Variants in XK observed in about 807,000 individuals in gnomAD.
XK encodes X-linked Kx blood group antigen, Kell and VPS13A binding protein.
XK carries 2 observed loss-of-function variants against 14.0 expected under a neutral mutation model. The ratio of observed to expected loss-of-function variants is 0.14; its 90% confidence interval spans 0.06 to 0.45. The LOEUF is 0.45. Ranked by LOEUF, XK falls within the 20% of genes least tolerant of loss-of-function variation. The pLI, the probability that XK is intolerant of heterozygous loss-of-function variation, is 0.98. For synonymous variants in XK, 149 were observed against 147.5 expected, an observed-to-expected ratio of 1.01 and a Z score of -0.08; for missense variants, 235 against 341.5, an observed-to-expected ratio of 0.69 and a Z score of 2.46.
At chrX:37,705,289 CA>C (rs5902157) in intron 2 of XK, among the ~76,000 whole-genome samples, 18,933 of 98,514 alleles carry the variant, frequency 0.19, 1,376 homozygotes, top group African/African-American at 0.25. Flanking sequence ...ACTAAAAATA[CA>C]AAAAAAAAAA....
chrX:37,724,815 A>T (rs1276883963), intron 2 of XK, among the ~76,000 whole-genome samples: 1 of 110,801 alleles, frequency 9.0e-6, no homozygotes, highest in Non-Finnish European at 1.9e-5. Flanking sequence ...GAAAACAAAC[A>T]ATCAAGTAAA....
At position 37,694,340 on chromosome X, in the gene XK, T is replaced by C. The variant is rs1556442125; in HGVS notation, c.300T>C (p.Tyr100=). ...YFQSGNNEEP[Y]VSITKKRQMP... ...AGTCAGGCAACAATGAAGAGCCTTA[T>C]GTCAGTATCACCAAGAAGAGGCAAA... Residue 100 remains tyrosine, a synonymous_variant, in exon 2 of 3, where the codon TAT becomes TAC. Transcript: ENST00000378616. 1 of 1,211,710 alleles carries C rather than the reference T, an allele frequency of 8.3e-7. No individual in the cohort carries two copies. Among genetic ancestry groups the C allele is most frequent in the Admixed American group, 2.2e-5 (1 of 46,094 alleles).
chrX:37,686,190 C>T lies in XK; in HGVS notation c.229C>T (p.Leu77Phe), dbSNP rs1556440166. 1 of 1,208,306 alleles carries T rather than the reference C, an allele frequency of 8.3e-7. No individual in the cohort carries two copies. The highest frequency in any genetic ancestry group is 1.8e-5 in the South Asian group (1 of 56,364). Residue 77 changes from leucine (L) to phenylalanine (F), a missense_variant, in exon 1 of 3, where the codon CTT becomes TTT. Physicochemically the swap from Leu to Phe is conservative, Grantham distance 22. Transcript: ENST00000378616. The stretch of plus-strand genomic sequence containing the variant: ...CGTACTGCTGCTGCACCTGCTGCAA[C>T]TTGGGCCCCTTTTCAGGTGCGTGCA... ...PLVLLLHLLQ[L>F]GPLFRCFEVF...
intron 1 of XK, among the ~76,000 whole-genome samples, chrX:37,688,095 C>T (rs1280111812): frequency 1.2e-5 from 1 of 84,928 alleles, no homozygotes; most frequent in Non-Finnish European, 2.2e-5. Flanking sequence ...GAGTCTTGCT[C>T]TGTCGCCCAG....
At chrX:37,708,341 TGGAG>T (rs1927592740) in intron 2 of XK, among the ~76,000 whole-genome samples, 1 of 111,475 alleles carries the variant, frequency 9.0e-6, no homozygotes, top group South Asian at 3.8e-4. Context: ...GCTTTGAAGA[TGGAG>T]GGAAGAGGCA....
At chrX:37,725,632 C>G (rs377019327) in intron 2 of XK, among the ~76,000 whole-genome samples, 10 of 111,430 alleles carry the variant, frequency 9.0e-5, no homozygotes, top group African/African-American at 3.3e-4. Flanking sequence ...TATGCCCCTC[C>G]AAAAATCTAC....
chrX:37,722,150 T>C (rs1556449087), intron 2 of XK, among the ~76,000 whole-genome samples: 1 of 111,909 alleles, frequency 8.9e-6, no homozygotes, highest in Non-Finnish European at 1.9e-5. Context: ...TAAAAATCAT[T>C]AAATTGTTCA....
intron 2 of XK, among the ~76,000 whole-genome samples, chrX:37,695,902 G>C (rs902625182): frequency 8.9e-6 from 1 of 112,246 alleles, no homozygotes; most frequent in Non-Finnish European, 1.9e-5. Context: ...AGCAACATCC[G>C]TGTTCTCTAA....
At chrX:37,724,267 AG>A (rs1311517297) in intron 2 of XK, among the ~76,000 whole-genome samples, 2 of 111,733 alleles carry the variant, frequency 1.8e-5, no homozygotes, top group African/African-American at 6.5e-5. Context: ...AGAATTACAT[AG>A]AATTGAATTT....
intron 2 of XK, among the ~76,000 whole-genome samples, chrX:37,725,377 G>C (rs1281571265): frequency 8.9e-6 from 1 of 111,760 alleles, no homozygotes; most frequent in Non-Finnish European, 1.9e-5. Context: ...CAGTATATAT[G>C]TATAACAAAA....
chrX:37,708,271 C>T (rs952334718), intron 2 of XK, among the ~76,000 whole-genome samples: 31 of 111,622 alleles, frequency 2.8e-4, no homozygotes, highest in African/African-American at 9.5e-4. Context: ...GAGGCAGCAG[C>T]AGGCTTGATC....
At chrX:37,706,704 G>T (rs1927533364) in intron 2 of XK, among the ~76,000 whole-genome samples, 1 of 108,952 alleles carries the variant, frequency 9.2e-6, no homozygotes, top group South Asian at 4.1e-4. Flanking sequence ...AGGGTCATAG[G>T]ACAATAGTGG....
intron 2 of XK, among the ~76,000 whole-genome samples, chrX:37,726,483 C>T (rs1927977442): frequency 9.0e-6 from 1 of 111,201 alleles, no homozygotes. Context: ...AACTCATAGC[C>T]CTGCTTCCCA....
intron 2 of XK, among the ~76,000 whole-genome samples, chrX:37,702,831 TG>T (rs1380245635): frequency 8.9e-6 from 1 of 112,786 alleles, no homozygotes; most frequent in East Asian, 2.8e-4. Context: ...TATTGTGCAT[TG>T]CTTCTCAAAA....
chrX:37,695,627 T>A (rs782662151), intron 2 of XK, among the ~76,000 whole-genome samples: 5 of 111,996 alleles, frequency 4.5e-5, no homozygotes, highest in Non-Finnish European at 9.4e-5. Flanking sequence ...TAAGAAAACA[T>A]TGAAGATAAG....
Position 37,714,011 on chromosome X carries a change from A to C in XK, c.509-13625A>C, listed in dbSNP as rs927071. The stretch of plus-strand genomic sequence containing the variant: ...GATACCAATTAAGTTGGAGACCCAC[A>C]GTATCTGCAACACTGAGGTTTAGGA... On this transcript the variant is annotated intron_variant, in intron 2 of 2. Transcript: ENST00000378616. Among the ~76,000 whole-genome samples the C allele has an allele frequency of 6.5e-3, 726 of 111,752 alleles. 3 individuals are homozygous for C. The highest frequency in any genetic ancestry group is 0.014 in the Middle Eastern group (3 of 213).
chrX:37,727,574 T>C, intron 2 of XK, 62 bp from the exon 3 acceptor site: 1 of 1,006,706 alleles, frequency 9.9e-7, no homozygotes, highest in South Asian at 1.9e-5. Context: ...TGACAGAGTG[T>C]CTGCTGCAGT....
At chrX:37,720,007 A>G (rs1043379545) in intron 2 of XK, among the ~76,000 whole-genome samples, 6 of 110,820 alleles carry the variant, frequency 5.4e-5, no homozygotes, top group Non-Finnish European at 9.5e-5. Flanking sequence ...ATCTATATCA[A>G]TCTTTGCGAG....
chrX:37,692,976 A>G (rs781812068), intron 1 of XK, among the ~76,000 whole-genome samples: 11 of 109,959 alleles, frequency 1.0e-4, no homozygotes, highest in Non-Finnish European at 1.7e-4. Flanking sequence ...CCCCCCACAC[A>G]CACACCCACA....
Sources: allele counts gnomAD v4.1 joint callset (sites outside exome capture counted in the v4.1 genomes callset), GRCh38; gene constraint gnomAD v4.1.1; transcripts MANE v1.5; gene names NCBI Gene and HGNC (gene_info 2026-07-23, HGNC 2026-07-21).